The following PRKCZ variants were observed in gnomAD, a reference collection of about 807,000 sequenced individuals.
PRKCZ encodes protein kinase C zeta.
A neutral mutation model predicts 79.5 loss-of-function variants in PRKCZ; 33 were observed. The observed-to-expected ratio is 0.41, with a 90% CI of 0.31 to 0.55. PRKCZ has a LOEUF of 0.55. Ranked by LOEUF, PRKCZ falls within the 20% of genes least tolerant of loss-of-function variation. PRKCZ has a pLI of 0.19. For missense variants in PRKCZ, 578 were observed against 813.5 expected, an observed-to-expected ratio of 0.71 and a Z score of 3.52; for synonymous variants, 342 against 320.9, an observed-to-expected ratio of 1.07 and a Z score of -0.70.
chr1:2,125,752 T>A lies in PRKCZ; in HGVS notation c.335-9510T>A, dbSNP rs1293474222. Among the ~76,000 whole-genome samples, 1 of 152,234 alleles carries A rather than the reference T, an allele frequency of 6.6e-6. No homozygotes were observed. Among genetic ancestry groups the A allele is most frequent in the Non-Finnish European group, 1.5e-5 (1 of 68,034 alleles). ...GCAGCGCCAGGTTTCCCAATCAGAT[T>A]TGCTCAGGGTCCCTCCAGCAGTCCA... On this transcript the variant is annotated intron_variant, in intron 4 of 17. Transcript: ENST00000378567. The surrounding 1 kb of genome is among the most constrained non-coding windows in gnomAD (Gnocchi z 4.2).
intron 4 of PRKCZ, among the ~76,000 whole-genome samples, chr1:2,126,983 C>G (rs1674038817): frequency 6.6e-6 from 1 of 152,252 alleles, no homozygotes; most frequent in South Asian, 2.1e-4. Flanking sequence ...TCCCACGTGC[C>G]TAGACGTGAG....
chr1:2,175,427 C>A, intron 16 of PRKCZ, 114 bp downstream of exon 16: 2 of 835,728 alleles, frequency 2.4e-6, no homozygotes, highest in Non-Finnish European at 3.7e-6. Flanking sequence ...CCACCCCATC[C>A]GAACCCCAAT....
chr1:2,052,555 C>T (rs770912321), intron 1 of PRKCZ, among the ~76,000 whole-genome samples: 4 of 151,970 alleles, frequency 2.6e-5, no homozygotes, highest in Non-Finnish European at 4.4e-5. Flanking sequence ...TGGCTCTTCC[C>T]TGCTCCTACC....
intron 4 of PRKCZ, among the ~76,000 whole-genome samples, chr1:2,095,038 C>G (rs191444235): frequency 3.7e-4 from 57 of 152,298 alleles, no homozygotes; most frequent in African/African-American, 1.3e-3. Context: ...CCCCCATGTG[C>G]TGCTCCGCCA....
rs1207667231 is a variant in PRKCZ at position 2,127,513 on chromosome 1, G to C, written c.335-7749G>C. On this transcript the variant is annotated intron_variant, in intron 4 of 17. Coordinates refer to ENST00000378567, the MANE Select transcript of PRKCZ (RefSeq NM_002744.6). This position sits in a 1 kb window ranked among gnomAD's most constrained non-coding sequence, Gnocchi z 5.1. ...CCCGCCCCACGTCCCGCCTCCCACT[G>C]CCCTCAGCCTCTGGAACGGTGCCTG... is the stretch of plus-strand genomic sequence containing the variant. Among the ~76,000 whole-genome samples the C allele has an allele frequency of 2.6e-5, 4 of 152,028 alleles. No homozygotes were observed. Among genetic ancestry groups the C allele is most frequent in the East Asian group, 3.9e-4 (2 of 5,168 alleles).
chr1:2,059,574 C>T lies in PRKCZ; in HGVS notation c.317C>T (p.Pro106Leu), dbSNP rs199756224. Residue 106 changes from proline (P) to leucine (L), a missense_variant, in exon 4 of 18, where the codon CCA (proline) becomes CTA (leucine). Physicochemically the swap from Pro to Leu is moderately conservative, Grantham distance 98. Transcript: ENST00000378567. ...AGCACCCCTGAGCAGCCTGGCCTGC[C>T]ATGTCCGGGAGAAGACAGTGAGTAC... Reference protein sequence around the residue: ...FPSTPEQPGLPCPGEDKSIYR... With the variant: ...FPSTPEQPGLLCPGEDKSIYR... The T allele has an allele frequency of 2.0e-5, 32 of 1,614,200 alleles. No individual in the cohort carries two copies. In the Admixed American group the frequency reaches 3.8e-4, roughly 19 times the overall value.
At position 2,174,019 on chromosome 1, in the gene PRKCZ, G is replaced by T; in HGVS notation, c.1405+3G>T. On this transcript the variant is annotated splice_donor_region_variant and intron_variant, in intron 14 of 17. Transcript: ENST00000378567. This position sits in a 1 kb window ranked among gnomAD's most constrained non-coding sequence, Gnocchi z 6.2. ...CACAGAGGACTACCTTTTCCAAGGT[G>T]CGTGCCCCGCTGTGCGTTCGTACCC... The T allele has an allele frequency of 2.5e-6, 4 of 1,599,874 alleles. No homozygotes were observed. The highest frequency in any genetic ancestry group is 3.4e-6 in the Non-Finnish European group (4 of 1,170,850).
At chr1:2,096,489 A>G (rs1666541430) in intron 4 of PRKCZ, among the ~76,000 whole-genome samples, 1 of 152,106 alleles carries the variant, frequency 6.6e-6, no homozygotes, top group African/African-American at 2.4e-5. Flanking sequence ...GTGAGGATCT[A>G]ACACAGCAGT....
intron 4 of PRKCZ, among the ~76,000 whole-genome samples, chr1:2,079,309 A>AATC (rs1179968503): frequency 6.6e-6 from 1 of 152,194 alleles, no homozygotes; most frequent in Non-Finnish European, 1.5e-5. Flanking sequence ...GAACTCATTT[A>AATC]ATCTTCTCAG....
chr1:2,173,919 G>C lies in PRKCZ; in HGVS notation c.1308G>C (p.Ala436=), dbSNP rs201456573. ...CAGGGTTCAGCGTGGACTGGTGGGC[G>C]CTGGGAGTCCTCATGTTTGAGATGA... The part of the protein sequence containing the change: ...EEYGFSVDWW[A]LGVLMFEMMA... Residue 436 remains alanine, a synonymous_variant, in exon 14 of 18, where the codon GCG becomes GCC. Transcript: ENST00000378567. The surrounding 1 kb of genome is among the most constrained non-coding windows in gnomAD (Gnocchi z 5.7). The C allele has an allele frequency of 1.9e-6, 3 of 1,612,012 alleles. No individual in the cohort carries two copies. Among genetic ancestry groups the C allele is most frequent in the Non-Finnish European group, 2.5e-6 (3 of 1,179,012 alleles).
At chr1:2,107,929 C>A (rs562304611) in intron 4 of PRKCZ, among the ~76,000 whole-genome samples, 2 of 151,450 alleles carry the variant, frequency 1.3e-5, no homozygotes, top group African/African-American at 4.9e-5. Context: ...CCCCCAACCC[C>A]GGCAGTGTCA....
Position 2,169,619 on chromosome 1 carries a change from A to T in PRKCZ, c.1061+15A>T. 1 of 1,390,934 alleles carries T rather than the reference A, an allele frequency of 7.2e-7. No individual in the cohort carries two copies. Among genetic ancestry groups the T allele is most frequent in the Non-Finnish European group, 9.5e-7 (1 of 1,049,058 alleles). 86.2% of individuals were successfully genotyped at this position (1,390,934 alleles called of 1,614,324 possible). On this transcript the variant is annotated intron_variant, in intron 11 of 17. Transcript: ENST00000378567. ...GAGCACGCCAGGTGGGTGCGCGTGGACGGGGCCGGGTGGGTGCGCCCGGAG... is the reference window on the plus strand; with the variant it reads ...GAGCACGCCAGGTGGGTGCGCGTGGTCGGGGCCGGGTGGGTGCGCCCGGAG...
At position 2,150,873 on chromosome 1, in the gene PRKCZ, C is replaced by T. The variant is rs1474990426; in HGVS notation, c.771C>T (p.Val257=). 1.2e-6 allele frequency: 2 copies of T among 1,614,072 alleles called. No individual in the cohort carries two copies. The highest frequency in any genetic ancestry group is 1.7e-6 in the Non-Finnish European group (2 of 1,180,044). ...TGCAGGACTTTGACCTAATCAGAGT[C>T]ATCGGGCGCGGGAGCTACGCCAAGG... ...LGLQDFDLIR[V]IGRGSYAKVL... is the part of the protein sequence containing the mutation. The change falls in exon 9 of 18, where the codon GTC becomes GTT. Residue 257 remains valine (V), a synonymous_variant. Coordinates refer to ENST00000378567, the MANE Select transcript of PRKCZ (RefSeq NM_002744.6).
At chr1:2,071,268 G>C (rs1408408766) in intron 4 of PRKCZ, 1 of 387,626 alleles carries the variant, frequency 2.6e-6, no homozygotes. Context: ...TAAGTGCTTA[G>C]CAAGGCCGTC....
chr1:2,092,764 G>A (rs1665740181), intron 4 of PRKCZ, among the ~76,000 whole-genome samples: 1 of 152,218 alleles, frequency 6.6e-6, no homozygotes, highest in Admixed American at 6.5e-5. Flanking sequence ...GGAGGCCCTG[G>A]TCTTCACTGT....
At chr1:2,071,855 C>A (rs1474845435) in intron 4 of PRKCZ, among the ~76,000 whole-genome samples, 1 of 152,210 alleles carries the variant, frequency 6.6e-6, no homozygotes, top group Admixed American at 6.5e-5. Flanking sequence ...CTGTCCAGGG[C>A]CAGGTAGTTG....
chr1:2,146,151 C>A, intron 7 of PRKCZ, 43 bp downstream of exon 7: 1 of 1,545,262 alleles, frequency 6.5e-7, no homozygotes, highest in Non-Finnish European at 8.9e-7. Context: ...CTGGGCATCA[C>A]CTCACCCTGC....
rs955254546 is a variant in PRKCZ, at chr1:2,127,405, C to T, written c.335-7857C>T. On this transcript the variant is annotated intron_variant, in intron 4 of 17. Transcript: ENST00000378567. The surrounding 1 kb of genome is among the most constrained non-coding windows in gnomAD (Gnocchi z 5.1). Reference sequence around the variant, plus strand: ...GCTGCACCTCCACTGCCCCCCCCACCGCCGCCCCTGCCCCACGGCCACCCC... The same window carrying T: ...GCTGCACCTCCACTGCCCCCCCCACTGCCGCCCCTGCCCCACGGCCACCCC... 5.3e-5 allele frequency among the ~76,000 whole-genome samples: 8 copies of T among 151,902 alleles called. No homozygotes were observed. Among genetic ancestry groups the T allele is most frequent in the South Asian group, 2.1e-4 (1 of 4,806 alleles).
intron 4 of PRKCZ, among the ~76,000 whole-genome samples, chr1:2,100,969 T>C (rs1288137053): frequency 2.6e-5 from 4 of 151,406 alleles, no homozygotes; most frequent in Non-Finnish European, 5.9e-5. Context: ...TTTCGTCCTG[T>C]GTCTGACTTT....
Sources: allele counts gnomAD v4.1 joint callset (sites outside exome capture counted in the v4.1 genomes callset), GRCh38; gene constraint gnomAD v4.1.1; non-coding constraint Gnocchi (gnomAD v3.1); transcripts MANE v1.5; gene names NCBI Gene and HGNC (gene_info 2026-07-23, HGNC 2026-07-21).